Variants in PURG observed in about 807,000 individuals in gnomAD.
PURG encodes purine-rich element-binding protein gamma.
A neutral mutation model predicts 24.3 loss-of-function variants in PURG; 3 were observed. The ratio of observed to expected loss-of-function variants is 0.12; its 90% CI spans 0.06 to 0.32. The LOEUF is 0.32. Ranked by LOEUF, PURG falls within the 10% of genes least tolerant of loss-of-function variation. The pLI, the probability that PURG is intolerant of heterozygous loss-of-function variation, is 1.00. For synonymous variants in PURG, 180 were observed against 173.1 expected, an observed-to-expected ratio of 1.04 and a Z score of -0.31; for missense variants, 371 against 439.1, an observed-to-expected ratio of 0.84 and a Z score of 1.39.
chr8:31,021,550 G>A (rs1379155092), intron 1 of PURG, among the ~76,000 whole-genome samples: 1 of 152,152 alleles, frequency 6.6e-6, no homozygotes, highest in African/African-American at 2.4e-5. Flanking sequence ...TATAGGGGAC[G>A]GTTTTGGATA....
chr8:31,028,910 C>G (rs1039357791), downstream of PURG, among the ~76,000 whole-genome samples: 1 of 151,794 alleles, frequency 6.6e-6, no homozygotes, highest in Non-Finnish European at 1.5e-5. Flanking sequence ...CTTTTGGTTA[C>G]TAACTTTCAT....
At chr8:31,005,853 T>A (rs1810637585) in intron 1 of PURG, among the ~76,000 whole-genome samples, 1 of 151,344 alleles carries the variant, frequency 6.6e-6, no homozygotes, top group African/African-American at 2.4e-5. Flanking sequence ...GATTCATGAC[T>A]AATTATCTAT....
At chr8:30,997,893 G>A (rs1810460104) in intron 1 of PURG, among the ~76,000 whole-genome samples, 2 of 151,738 alleles carry the variant, frequency 1.3e-5, no homozygotes, top group Admixed American at 6.6e-5. Flanking sequence ...GCACATCCAT[G>A]TTGATGATTT....
intron 1 of PURG, among the ~76,000 whole-genome samples, chr8:31,016,449 C>T (rs1439947897): frequency 6.6e-6 from 1 of 150,532 alleles, no homozygotes; most frequent in East Asian, 1.9e-4. Context: ...AAAGTGAGCC[C>T]TGGATACTAC....
At position 31,033,118 on chromosome 8, in the gene PURG, A is replaced by G; in HGVS notation, c.-47T>C. Reference sequence around the variant, plus strand: ...ACCGCCGCCGCCGATGCCCTTCACGACCACCGCCGCCGCCACCGCCAGCTC... The same window carrying G: ...ACCGCCGCCGCCGATGCCCTTCACGGCCACCGCCGCCGCCACCGCCAGCTC... On this transcript the variant is annotated 5_prime_UTR_variant, in exon 1 of 2. Coordinates refer to ENST00000523392, the MANE Select transcript of PURG (RefSeq NM_001323311.2). 4.7e-6 allele frequency: 1 copy of G among 210,616 alleles called. No homozygotes were observed. The allele number at this position is 210,616 out of a possible 1,614,324, so 13.0% of individuals were successfully genotyped here. A position where few individuals can be genotyped will look rare whatever the true frequency, so the allele number is the denominator to read the frequency against.
At chr8:31,001,793 T>C (rs1810541852) in intron 1 of PURG, among the ~76,000 whole-genome samples, 1 of 152,140 alleles carries the variant, frequency 6.6e-6, no homozygotes, top group African/African-American at 2.4e-5. Flanking sequence ...TCTTAAAGAA[T>C]AGGGTAGTAT....
In PURG at chr8:31,032,760, C is replaced by G; in HGVS notation, c.23G>C (p.Gly8Ala). Reference sequence around the variant, plus strand: ...TCCGCGGCCGCGGCCGCCGCCGCCTCCCCTTCGCCTGGCTCTTTCCATCTT... The same window carrying G: ...TCCGCGGCCGCGGCCGCCGCCGCCTGCCCTTCGCCTGGCTCTTTCCATCTT... MERARRRGGGGGRGRGGK... is the reference protein window; with the variant it reads MERARRRAGGGGRGRGGK... Residue 8 changes from glycine to alanine, a missense_variant, in exon 2 of 2, where the codon GGA becomes GCA. Transcript: ENST00000523392. The surrounding 1 kb of genome is among the most constrained non-coding windows in gnomAD (Gnocchi z 5.9). 2.8e-6 allele frequency: 4 copies of G among 1,438,582 alleles called. No homozygotes were observed. The highest frequency in any genetic ancestry group is 3.7e-6 in the Non-Finnish European group (4 of 1,093,040). The allele number at this position is 1,438,582 out of a possible 1,614,324, so 89.1% of individuals were successfully genotyped here. A position where few individuals can be genotyped will look rare whatever the true frequency, so the allele number is the denominator to read the frequency against.
chr8:31,002,974 AGCACTTATC>A (rs1810568447), intron 1 of PURG, among the ~76,000 whole-genome samples: 1 of 152,248 alleles, frequency 6.6e-6, no homozygotes, highest in South Asian at 2.1e-4. Flanking sequence ...ATTGCTCAAA[AGCACTTATC>A]AATCTTGAGA....
intron 1 of PURG, among the ~76,000 whole-genome samples, chr8:31,023,274 G>C (rs1339080922): frequency 2.6e-5 from 4 of 152,144 alleles, no homozygotes; most frequent in African/African-American, 9.7e-5. Flanking sequence ...TTATCATATG[G>C]AATGTTTCCG....
Position 31,031,507 on chromosome 8 carries a change from C to T in PURG, c.*232G>A. ...ATTTGCATACTTCAATAGTCTGGAG[C>T]AGTTGAAGCAGCTAAACTATTTAGC... On this transcript the variant is annotated 3_prime_UTR_variant, in exon 2 of 2. Coordinates refer to ENST00000523392, the MANE Select transcript of PURG (RefSeq NM_001323311.2). 1.9e-6 allele frequency: 1 copy of T among 535,772 alleles called. No homozygotes were observed. The highest frequency in any genetic ancestry group is 3.3e-6 in the Non-Finnish European group (1 of 303,114). 33.2% of individuals were successfully genotyped at this position (535,772 alleles called of 1,614,324 possible). A position where few individuals can be genotyped will look rare whatever the true frequency, so the allele number is the denominator to read the frequency against.
chr8:31,032,720 C>T lies in PURG; in HGVS notation c.63G>A (p.Gly21=), dbSNP rs1380227864. The T allele has an allele frequency of 1.4e-6, 2 of 1,480,674 alleles. No homozygotes were observed. Among genetic ancestry groups the T allele is most frequent in the South Asian group, 1.4e-5 (1 of 69,022 alleles). 91.7% of individuals were successfully genotyped at this position (1,480,674 alleles called of 1,614,324 possible). Residue 21 remains glycine (G), a synonymous_variant, in exon 2 of 2, where the codon GGG becomes GGA. Coordinates refer to ENST00000523392, the MANE Select transcript of PURG (RefSeq NM_001323311.2). This position sits in a 1 kb window ranked among gnomAD's most constrained non-coding sequence, Gnocchi z 5.9. The part of the protein sequence containing the change: ...GGRGRGGKNV[G]GSGLSKSRLY... ...GTCTACTCTTGCTTAGGCCAGAGCC[C>T]CCTACATTCTTGCCTCCGCGGCCGC...
At chr8:31,020,475 T>C (rs570793283) in intron 1 of PURG, among the ~76,000 whole-genome samples, 46 of 152,336 alleles carry the variant, frequency 3.0e-4, no homozygotes, top group African/African-American at 9.6e-4. Flanking sequence ...ATTTATATAC[T>C]ATAATTACAA....
chr8:31,008,175 T>C (rs1460239161), intron 1 of PURG, among the ~76,000 whole-genome samples: 1 of 152,242 alleles, frequency 6.6e-6, no homozygotes, highest in Non-Finnish European at 1.5e-5. Flanking sequence ...CATAATGTTG[T>C]TATACTTTCC....
In PURG at chr8:31,017,754, T is replaced by C. The variant is rs181713642; in HGVS notation, c.864+14165A>G. 3.9e-5 allele frequency among the ~76,000 whole-genome samples: 6 copies of C among 152,302 alleles called. No individual in the cohort carries two copies. In the East Asian group the frequency reaches 1.2e-3, roughly 29 times the overall value. On this transcript the variant is annotated intron_variant, in intron 1 of 1. Transcript: ENST00000339382. ...AATGAACTTACTTGGAAACTTGTTG[T>C]CTAAAACAAAAAATTTAAGATGAAA...
At chr8:31,005,164 G>A (rs1810616648) in intron 1 of PURG, among the ~76,000 whole-genome samples, 1 of 152,138 alleles carries the variant, frequency 6.6e-6, no homozygotes, top group Non-Finnish European at 1.5e-5. Flanking sequence ...CAGGCATAGT[G>A]GCTTATGCCC....
At chr8:31,028,796 A>T (rs1270900373), downstream of PURG, among the ~76,000 whole-genome samples, 2 of 151,904 alleles carry the variant, frequency 1.3e-5, no homozygotes, top group African/African-American at 4.8e-5. Context: ...TCCAAATTTC[A>T]TACTATTAGC....
chr8:31,005,589 G>A (rs1271371039), intron 1 of PURG, among the ~76,000 whole-genome samples: 2 of 152,000 alleles, frequency 1.3e-5, no homozygotes, highest in African/African-American at 2.4e-5. Flanking sequence ...CTGAGGAGGG[G>A]TACATGGGAA....
At chr8:31,004,864 C>CA (rs1423601622) in intron 1 of PURG, among the ~76,000 whole-genome samples, 4 of 152,074 alleles carry the variant, frequency 2.6e-5, no homozygotes, top group African/African-American at 4.8e-5. Context: ...GCATATAACG[C>CA]TAATTAAGGT....
At chr8:30,996,683 G>T in exon 2 of PURG, 1 of 1,610,986 alleles carries the variant, frequency 6.2e-7, no homozygotes, top group South Asian at 1.1e-5. Context: ...CTCTGGATTT[G>T]GGGTAATTTG....
Sources: allele counts gnomAD v4.1 joint callset (sites outside exome capture counted in the v4.1 genomes callset), GRCh38; gene constraint gnomAD v4.1.1; non-coding constraint Gnocchi (gnomAD v3.1); transcripts MANE v1.5; gene names NCBI Gene and HGNC (gene_info 2026-07-23, HGNC 2026-07-21).